Variants in PAX3 observed in about 807,000 individuals in gnomAD.
The protein encoded by PAX3 is paired box protein Pax-3.
In PAX3, 14 loss-of-function variants were observed where a neutral mutation model predicts 51.6. The observed-to-expected ratio is 0.27, with a 90% CI of 0.18 to 0.42. The LOEUF is 0.42. Among genes scored for constraint, PAX3 ranks in the 10% least tolerant of loss-of-function variants. PAX3 has a pLI of 1.00. For synonymous variants in PAX3, 280 were observed against 253.4 expected (o/e 1.11, Z -1.00); for missense variants, 540 against 642.8 (o/e 0.84, Z 1.73).
At position 222,199,904 on chromosome 2, in the gene PAX3, T is replaced by G; in HGVS notation, c.*1504A>C. On this transcript the variant is annotated 3_prime_UTR_variant, in exon 9 of 9. Coordinates refer to ENST00000392070, the MANE Select transcript of PAX3 (RefSeq NM_181458.4). ...GTAGTGGGCAAGTTTTCATAACTGT[T>G]TATTCATTATAAATAGTAAATATTT... 1 of 180,800 alleles carries G rather than the reference T, an allele frequency of 5.5e-6. No homozygotes were observed. Among genetic ancestry groups the G allele is most frequent in the Non-Finnish European group, 1.2e-5 (1 of 84,294 alleles). 11.2% of individuals were successfully genotyped at this position (180,800 alleles called of 1,614,324 possible). A position where few individuals can be genotyped will look rare whatever the true frequency, so the allele number is the denominator to read the frequency against.
intron 4 of PAX3, among the ~76,000 whole-genome samples, chr2:222,269,806 G>A (rs1392518703): frequency 4.6e-5 from 7 of 152,122 alleles, no homozygotes; most frequent in Admixed American, 4.6e-4. Flanking sequence ...TAGCACAGAG[G>A]GAAAATGTGA....
chr2:222,216,725 C>CAGAG (rs111690098), intron 7 of PAX3, among the ~76,000 whole-genome samples: 30 of 149,930 alleles, frequency 2.0e-4, no homozygotes, highest in African/African-American at 5.9e-4. Flanking sequence ...CACACACACA[C>CAGAG]AGAGAGAGAG....
chr2:222,225,577 C>A (rs183647694), intron 5 of PAX3, among the ~76,000 whole-genome samples: 1 of 152,050 alleles, frequency 6.6e-6, no homozygotes, highest in East Asian at 1.9e-4. Context: ...GCAATACAGA[C>A]CAGGCAAAAG....
intron 4 of PAX3, among the ~76,000 whole-genome samples, chr2:222,288,897 G>C (rs1169951561): frequency 3.9e-5 from 6 of 152,254 alleles, no homozygotes; most frequent in Non-Finnish European, 1.5e-5. Context: ...TGATCTCTAT[G>C]GTTAAGAACC....
intron 7 of PAX3, among the ~76,000 whole-genome samples, chr2:222,213,675 T>C (rs563712323): frequency 3.3e-5 from 5 of 152,314 alleles, no homozygotes; most frequent in African/African-American, 1.2e-4. Flanking sequence ...CTTTCTCTTC[T>C]ACAGATAAAT....
At chr2:222,222,654 C>G (rs961089836) in intron 5 of PAX3, among the ~76,000 whole-genome samples, 1 of 152,132 alleles carries the variant, frequency 6.6e-6, no homozygotes, top group Admixed American at 6.5e-5. Flanking sequence ...CTCGACCTCC[C>G]AAAGTGCTGG....
chr2:222,257,656 T>C (rs568127901), intron 4 of PAX3, among the ~76,000 whole-genome samples: 2 of 152,358 alleles, frequency 1.3e-5, no homozygotes, highest in Admixed American at 6.5e-5. Flanking sequence ...AGTCACTGTA[T>C]GATATGTTCT....
At chr2:222,296,842 G>C in intron 2 of PAX3, 136 bp downstream of exon 2, 1 of 735,402 alleles carries the variant, frequency 1.4e-6, no homozygotes, top group Non-Finnish European at 2.4e-6. Flanking sequence ...ACACACGCGC[G>C]CCTTTACGCA....
At chr2:222,220,860 C>T (rs1396130999) in intron 6 of PAX3, among the ~76,000 whole-genome samples, 4 of 152,210 alleles carry the variant, frequency 2.6e-5, no homozygotes, top group African/African-American at 7.2e-5. Flanking sequence ...CAAAGCTTAC[C>T]TTCCCTCTAT....
At chr2:222,258,794 TATGG>T (rs1693740307) in intron 4 of PAX3, among the ~76,000 whole-genome samples, 1 of 152,126 alleles carries the variant, frequency 6.6e-6, no homozygotes, top group Admixed American at 6.5e-5. Context: ...TTTTATGGAG[TATGG>T]ATTATACCTT....
intron 7 of PAX3, among the ~76,000 whole-genome samples, chr2:222,218,139 C>T (rs1184417645): frequency 6.6e-6 from 1 of 151,960 alleles, no homozygotes; most frequent in African/African-American, 2.4e-5. Context: ...TAAAGAATTA[C>T]CATAATATGT....
intron 4 of PAX3, among the ~76,000 whole-genome samples, chr2:222,277,678 G>A (rs1212334239): frequency 6.6e-6 from 1 of 152,156 alleles, no homozygotes; most frequent in Non-Finnish European, 1.5e-5. Context: ...GCTCACACCT[G>A]TAACCCCAGC....
chr2:222,216,705 AACACAC>A (rs71407982), intron 7 of PAX3, among the ~76,000 whole-genome samples: 1 of 149,982 alleles, frequency 6.7e-6, no homozygotes, highest in Non-Finnish European at 1.5e-5. Flanking sequence ...CACATACACA[AACACAC>A]ACACACACAC....
In PAX3 at chr2:222,220,124, GA is replaced by G; in HGVS notation, c.1173+15del. On this transcript the variant is annotated intron_variant, in intron 7 of 8. Transcript: ENST00000392070. ...TGGTATACAGCAAATCGTCTGTCTA[GA>G]AACACGGGACTGACCTGAGGTGAGA... 6.2e-7 allele frequency: 1 copy of G among 1,609,986 alleles called. No homozygotes were observed. The highest frequency in any genetic ancestry group is 8.5e-7 in the Non-Finnish European group (1 of 1,176,816).
chr2:222,220,031 A>T (rs775171720), intron 7 of PAX3, 109 bp downstream of exon 7: 41 of 932,740 alleles, frequency 4.4e-5, no homozygotes, highest in Non-Finnish European at 6.8e-5. Context: ...GCTTCTATAA[A>T]GAATACATTA....
At chr2:222,266,886 T>C (rs1170491176) in intron 4 of PAX3, among the ~76,000 whole-genome samples, 1 of 152,228 alleles carries the variant, frequency 6.6e-6, no homozygotes, top group African/African-American at 2.4e-5. Context: ...GTTTGTTGCA[T>C]TTGCAACCTA....
chr2:222,275,449 A>G (rs76740566), intron 4 of PAX3, among the ~76,000 whole-genome samples: 1 of 150,754 alleles, frequency 6.6e-6, no homozygotes, highest in Non-Finnish European at 1.5e-5. Flanking sequence ...CAAAAAAAAA[A>G]CCCACCACAT....
intron 5 of PAX3, among the ~76,000 whole-genome samples, chr2:222,230,106 G>C (rs1199213016): frequency 3.3e-5 from 5 of 151,938 alleles, no homozygotes; most frequent in Non-Finnish European, 5.9e-5. Context: ...AGCTCAGGAG[G>C]TGTAGGCTTC....
At chr2:222,207,293 C>T (rs1401057094) in intron 7 of PAX3, among the ~76,000 whole-genome samples, 2 of 152,122 alleles carry the variant, frequency 1.3e-5, no homozygotes, top group Admixed American at 6.6e-5. Context: ...AGGAATTATC[C>T]TGCAGTTGAT....
Sources: gnomAD v4.1 joint callset for allele counts (sites outside exome capture counted in the v4.1 genomes callset) on GRCh38, gnomAD v4.1.1 for gene constraint, MANE v1.5 for transcripts, NCBI Gene and HGNC (gene_info 2026-07-23, HGNC 2026-07-21) for gene names.